Variants in MORN1 observed in about 807,000 individuals in gnomAD.
The protein encoded by MORN1 is MORN repeat-containing protein 1.
In MORN1, 67 loss-of-function variants were observed where a neutral mutation model predicts 61.9. The observed-to-expected ratio is 1.08, with a 90% CI of 0.89 to 1.33. The LOEUF is 1.33. MORN1 is among the 40% of genes most tolerant of loss of function. The pLI is 0.00. For synonymous variants in MORN1, 301 were observed against 292.0 expected, an observed-to-expected ratio of 1.03 and a Z score of -0.31; for missense variants, 752 against 691.2, an observed-to-expected ratio of 1.09 and a Z score of -0.99.
chr1:2,333,196 C>A (rs373084199), intron 12 of MORN1, among the ~76,000 whole-genome samples: 1 of 152,212 alleles, frequency 6.6e-6, no homozygotes, highest in Non-Finnish European at 1.5e-5. Flanking sequence ...GCTCCTGGTG[C>A]GTAATTATGC....
chr1:2,361,191 G>A (rs536522890), intron 8 of MORN1, among the ~76,000 whole-genome samples: 55 of 152,314 alleles, frequency 3.6e-4, no homozygotes, highest in African/African-American at 1.3e-3. Context: ...ATCAGCAGTA[G>A]AGGACATTCA....
At chr1:2,341,016 T>C (rs1641382846) in intron 10 of MORN1, among the ~76,000 whole-genome samples, 1 of 152,196 alleles carries the variant, frequency 6.6e-6, no homozygotes, top group African/African-American at 2.4e-5. Context: ...TCCTTGCACG[T>C]CTCCACCCGG....
chr1:2,344,067 G>A (rs1405995153), intron 10 of MORN1, among the ~76,000 whole-genome samples: 1 of 152,168 alleles, frequency 6.6e-6, no homozygotes, highest in African/African-American at 2.4e-5. Context: ...TCTGGAGCAG[G>A]AGAGAAAGGA....
chr1:2,383,927 A>G (rs1243003829), intron 6 of MORN1, among the ~76,000 whole-genome samples: 1 of 152,162 alleles, frequency 6.6e-6, no homozygotes, highest in Admixed American at 6.5e-5. Flanking sequence ...AGCCCAGCCC[A>G]AGCAGCAACC....
In MORN1 at chr1:2,337,497, G is replaced by T. The variant is rs1414179468; in HGVS notation, c.1037-647C>A. On this transcript the variant is annotated intron_variant, in intron 10 of 13. Transcript: ENST00000378531. The surrounding 1 kb of genome is among the most constrained non-coding windows in gnomAD (Gnocchi z 5.7). Reference sequence around the variant, plus strand: ...CTAGCTTTTTCCAGCCCCTCTCCCGGGGTCCCAGGGTGCGAGGTATGGGGG... The same window carrying T: ...CTAGCTTTTTCCAGCCCCTCTCCCGTGGTCCCAGGGTGCGAGGTATGGGGG... Among the ~76,000 whole-genome samples, 1 of 152,174 alleles carries T rather than the reference G, an allele frequency of 6.6e-6. No individual in the cohort carries two copies. Among genetic ancestry groups the T allele is most frequent in the Non-Finnish European group, 1.5e-5 (1 of 68,018 alleles).
intron 8 of MORN1, among the ~76,000 whole-genome samples, chr1:2,367,884 C>T (rs1161751744): frequency 6.6e-6 from 1 of 152,136 alleles, no homozygotes; most frequent in Non-Finnish European, 1.5e-5. Flanking sequence ...CTGCCTTGGC[C>T]TCTCAAAGTG....
intron 10 of MORN1, 137 bp from the exon 11 acceptor site, chr1:2,336,987 G>A: frequency 9.6e-7 from 1 of 1,038,758 alleles, no homozygotes; most frequent in African/African-American, 1.7e-5. Flanking sequence ...TCTTGGTGGG[G>A]GCAGGTCAGG....
intron 12 of MORN1, among the ~76,000 whole-genome samples, chr1:2,330,659 G>A (rs1030125755): frequency 1.2e-4 from 18 of 152,184 alleles, no homozygotes; most frequent in African/African-American, 3.9e-4. Flanking sequence ...CATTTTTCTC[G>A]GAGCCGAGGA....
chr1:2,344,338 C>T (rs958282482), intron 10 of MORN1, among the ~76,000 whole-genome samples: 1 of 152,232 alleles, frequency 6.6e-6, no homozygotes, highest in African/African-American at 2.4e-5. Flanking sequence ...CCAGAAGCTC[C>T]GGTGAGCACA....
At chr1:2,340,207 CCT>C (rs976732744) in intron 10 of MORN1, among the ~76,000 whole-genome samples, 1 of 152,134 alleles carries the variant, frequency 6.6e-6, no homozygotes, top group African/African-American at 2.4e-5. Flanking sequence ...TGTTCACACC[CCT>C]CTTTGGGTGG....
At position 2,346,529 on chromosome 1, in the gene MORN1, G is replaced by A. The variant is rs545073358; in HGVS notation, c.1037-9679C>T. ...GCCTCCTGAGTAGCTGGGATTACAG[G>A]CGCCCGCCACCACACCTGGCTAATT... is the stretch of plus-strand genomic sequence containing the variant. On this transcript the variant is annotated intron_variant, in intron 10 of 13. Transcript: ENST00000378531. Among the ~76,000 whole-genome samples the A allele has an allele frequency of 3.5e-4, 54 of 152,222 alleles. No individual in the cohort carries two copies. In the South Asian group the frequency reaches 9.3e-3, roughly 26 times the overall value.
chr1:2,390,039 G>A (rs752748440), intron 1 of MORN1, 43 bp from the exon 2 acceptor site: 2 of 1,545,744 alleles, frequency 1.3e-6, no homozygotes, highest in East Asian at 4.5e-5. Flanking sequence ...CAGACACAGA[G>A]ATGAGGGATG....
intron 12 of MORN1, among the ~76,000 whole-genome samples, chr1:2,330,544 C>A (rs75379543): frequency 0.18 from 26,951 of 152,236 alleles, 2,808 homozygotes; most frequent in South Asian, 0.24. Flanking sequence ...GCTCGGTGGG[C>A]TGTGGAGCAT....
chr1:2,339,166 C>A (rs539286291), intron 10 of MORN1, among the ~76,000 whole-genome samples: 3 of 152,154 alleles, frequency 2.0e-5, no homozygotes, highest in Non-Finnish European at 4.4e-5. Context: ...TGGTGAAAAG[C>A]GGAAGGGGAG....
chr1:2,369,406 G>A (rs999008702), intron 8 of MORN1, among the ~76,000 whole-genome samples: 16 of 151,888 alleles, frequency 1.1e-4, no homozygotes, highest in African/African-American at 3.4e-4. Flanking sequence ...ACTGAGGAGG[G>A]TGTAAAGCCA....
At chr1:2,351,899 T>C (rs1049594050) in intron 10 of MORN1, 2 of 497,162 alleles carry the variant, frequency 4.0e-6, no homozygotes, top group Admixed American at 2.4e-5. Context: ...CAGTTAAACT[T>C]GGAGCTTCTG....
Position 2,321,407 on chromosome 1 carries a change from G to C in MORN1, c.1470C>G (p.Thr490=). The C allele has an allele frequency of 1.3e-6, 2 of 1,535,894 alleles. No homozygotes were observed. Among genetic ancestry groups the C allele is most frequent in the Non-Finnish European group, 1.8e-6 (2 of 1,140,592 alleles). Residue 490 remains threonine (T), a synonymous_variant, in exon 14 of 14, where the codon ACC becomes ACG. Transcript: ENST00000378531. ...CTCACCGAGGCGCTGGCGGCTCTGGGGTGCAGCTGTGGGCGGCCTGCCAGC... is the reference window on the plus strand; with the variant it reads ...CTCACCGAGGCGCTGGCGGCTCTGGCGTGCAGCTGTGGGCGGCCTGCCAGC... ...SSSWQAAHSC[T]PEPPAPR
chr1:2,342,843 T>TTTTA lies in MORN1; in HGVS notation c.1037-5997_1037-5994dup, dbSNP rs1388472499. Among the ~76,000 whole-genome samples, 4 of 94,214 alleles carry TTTTA rather than the reference T, an allele frequency of 4.2e-5. No homozygotes were observed. The East Asian group carries it at 9.7e-4, about 23-fold the overall frequency. 61.8% of individuals were successfully genotyped at this position (94,214 alleles called of 152,430 possible). A position where few individuals can be genotyped will look rare whatever the true frequency, so the allele number is the denominator to read the frequency against. ...TTTAAATATTTTATTTTATTTTATA[T>TTTTA]TTTATTTTATTTTATTTTATTTTAT... is the stretch of plus-strand genomic sequence containing the variant. On this transcript the variant is annotated intron_variant, in intron 10 of 13. Coordinates refer to ENST00000378531, the MANE Select transcript of MORN1 (RefSeq NM_024848.3).
intron 10 of MORN1, among the ~76,000 whole-genome samples, chr1:2,346,109 C>CACACAA (rs1219766526): frequency 1.3e-5 from 2 of 151,628 alleles, no homozygotes; most frequent in African/African-American, 4.8e-5. Flanking sequence ...GAACCTTCCT[C>CACACAA]AGACAAAGCC....
Sources: gnomAD v4.1 joint callset for allele counts (sites outside exome capture counted in the v4.1 genomes callset) on GRCh38, gnomAD v4.1.1 for gene constraint, Gnocchi (gnomAD v3.1) non-coding constraint, MANE v1.5 for transcripts, NCBI Gene and HGNC (gene_info 2026-07-23, HGNC 2026-07-21) for gene names.